Variants in SAMMSON observed in about 807,000 individuals in gnomAD.
The protein encoded by SAMMSON is long intergenic non-protein coding RNA 1212.
chr3:70,253,411 T>TA (rs1294932924), intron 6 of SAMMSON, among the ~76,000 whole-genome samples: 1 of 152,164 alleles, frequency 6.6e-6, no homozygotes, highest in Non-Finnish European at 1.5e-5. Context: ...AGTTGTAGAA[T>TA]ACCAGAGCCT....
chr3:70,281,706 C>T (rs1329210078), intron 6 of SAMMSON, among the ~76,000 whole-genome samples: 1 of 152,110 alleles, frequency 6.6e-6, no homozygotes, highest in Non-Finnish European at 1.5e-5. Context: ...TTTTGCCCCA[C>T]CTCAAGTGAA....
At chr3:70,111,957 G>T (rs532858696) in intron 4 of SAMMSON, among the ~76,000 whole-genome samples, 2 of 152,066 alleles carry the variant, frequency 1.3e-5, no homozygotes, top group African/African-American at 4.8e-5. Flanking sequence ...TTGAAAGGTA[G>T]AATGAGAAGG....
chr3:70,130,733 AG>A (rs1348432241), intron 4 of SAMMSON, among the ~76,000 whole-genome samples: 1 of 152,140 alleles, frequency 6.6e-6, no homozygotes, highest in Non-Finnish European at 1.5e-5. Context: ...ACCTTCAACT[AG>A]GTTCTCAGCC....
chr3:70,277,913 TG>T (rs1702043064), intron 6 of SAMMSON, among the ~76,000 whole-genome samples: 1 of 152,226 alleles, frequency 6.6e-6, no homozygotes, highest in Non-Finnish European at 1.5e-5. Flanking sequence ...GAGACCCTAC[TG>T]GCCAGATTTC....
At chr3:70,296,895 C>G (rs900992048) in intron 7 of SAMMSON, among the ~76,000 whole-genome samples, 2 of 151,906 alleles carry the variant, frequency 1.3e-5, no homozygotes, top group East Asian at 1.9e-4. Flanking sequence ...TCCCATTGCC[C>G]TTAGAGTAAA....
At chr3:70,301,543 C>A (rs1702349083) in intron 7 of SAMMSON, among the ~76,000 whole-genome samples, 1 of 151,998 alleles carries the variant, frequency 6.6e-6, no homozygotes, top group African/African-American at 2.4e-5. Flanking sequence ...GAAATGAAAA[C>A]ATTTGTTGAT....
At chr3:70,272,372 C>T (rs1442548575) in intron 6 of SAMMSON, 1 of 152,214 alleles carries the variant, frequency 6.6e-6, no homozygotes, top group Admixed American at 6.5e-5. Flanking sequence ...ACACTATGTA[C>T]TCTTTTGTGT....
chr3:70,276,733 T>A (rs567188853), intron 6 of SAMMSON, among the ~76,000 whole-genome samples: 2 of 152,388 alleles, frequency 1.3e-5, no homozygotes, highest in Non-Finnish European at 2.9e-5. Context: ...CATTAATTTA[T>A]GTATTATCTG....
intron 3 of SAMMSON, chr3:70,069,727 A>G (rs1475000326): frequency 6.6e-6 from 1 of 152,092 alleles, no homozygotes; most frequent in African/African-American, 2.4e-5. Context: ...AATTATCCCC[A>G]TTTCACAGAT....
chr3:70,201,828 A>T (rs1006542484), intron 4 of SAMMSON, among the ~76,000 whole-genome samples: 2 of 152,144 alleles, frequency 1.3e-5, no homozygotes, highest in East Asian at 3.9e-4. Flanking sequence ...ACTGGCAAAG[A>T]TCATTTTCCA....
At chr3:70,254,360 T>C (rs150680634) in intron 6 of SAMMSON, among the ~76,000 whole-genome samples, 1 of 152,332 alleles carries the variant, frequency 6.6e-6, no homozygotes, top group Admixed American at 6.5e-5. Flanking sequence ...ATGCAATTAT[T>C]CTCAATTATT....
chr3:70,380,530 CT>C (rs1301637624), intron 9 of SAMMSON, among the ~76,000 whole-genome samples: 1 of 151,822 alleles, frequency 6.6e-6, no homozygotes, highest in South Asian at 2.1e-4. Context: ...CCATTATTTT[CT>C]TTTTTTTCTT....
chr3:70,008,471 T>A (rs1190425957), intron 1 of SAMMSON, among the ~76,000 whole-genome samples: 1 of 152,214 alleles, frequency 6.6e-6, no homozygotes, highest in African/African-American at 2.4e-5. Context: ...ATGCTTGTGA[T>A]TTTTGCACAT....
At chr3:70,038,194 A>G (rs2101636) in intron 3 of SAMMSON, among the ~76,000 whole-genome samples, 67,409 of 152,038 alleles carry the variant, frequency 0.44, 15,539 homozygotes, top group East Asian at 0.63. Context: ...GTGATAGGGT[A>G]TAATGACAGG....
intron 9 of SAMMSON, among the ~76,000 whole-genome samples, chr3:70,380,293 T>C (rs1441281964): frequency 6.6e-6 from 1 of 152,134 alleles, no homozygotes; most frequent in African/African-American, 2.4e-5. Context: ...TTTCTAATAT[T>C]GTTAAACACC....
rs1553655704 is a variant in SAMMSON, at chr3:70,324,199, C to CTATCATCTATCT, written n.740-29976_740-29975insTATCATCTATCT. The stretch of plus-strand genomic sequence containing the variant: ...TCTATCTATCTATCTATCTATCTAT[C>CTATCATCTATCT]ATCTATCTATCTATCCACACACACA... On this transcript the variant is annotated intron_variant and non_coding_transcript_variant, in intron 7 of 9. Transcript: ENST00000642114. 2.5e-3 allele frequency among the ~76,000 whole-genome samples: 224 copies of CTATCATCTATCT among 90,308 alleles called. 1 individual carries two copies. The highest frequency in any genetic ancestry group is 7.4e-3 in the South Asian group (21 of 2,842). 59.2% of individuals were successfully genotyped at this position (90,308 alleles called of 152,430 possible).
At position 70,276,916 on chromosome 3, in the gene SAMMSON, C is replaced by T. The variant is rs1405700244; in HGVS notation, n.675-14263C>T. Among the ~76,000 whole-genome samples the T allele has an allele frequency of 2.3e-4, 35 of 152,252 alleles. 1 individual carries two copies. The South Asian group carries it at 6.2e-3, about 27-fold the overall frequency. On this transcript the variant is annotated intron_variant and non_coding_transcript_variant, in intron 6 of 9. Transcript: ENST00000642114. ...GAAAGTTTATGTTCTCAACTGTAAT[C>T]AGTGAGAAATCCTCACATTAATAAA...
intron 9 of SAMMSON, among the ~76,000 whole-genome samples, chr3:70,363,709 T>A (rs968741200): frequency 6.6e-6 from 1 of 152,116 alleles, no homozygotes; most frequent in Non-Finnish European, 1.5e-5. Flanking sequence ...TCACTAGCAC[T>A]GTTTGAGAAT....
chr3:70,357,917 G>A (rs1192727373), intron 8 of SAMMSON, among the ~76,000 whole-genome samples: 4 of 151,986 alleles, frequency 2.6e-5, no homozygotes, highest in African/African-American at 7.2e-5. Flanking sequence ...GGATGATGAA[G>A]TGCTTTAAAC....
Sources: gnomAD v4.1 joint callset for allele counts (sites outside exome capture counted in the v4.1 genomes callset) on GRCh38, gnomAD v4.1.1 for gene constraint, MANE v1.5 for transcripts, NCBI Gene and HGNC (gene_info 2026-07-23, HGNC 2026-07-21) for gene names.